Variants in USP10 observed in about 807,000 individuals in gnomAD.
The protein encoded by USP10 is ubiquitin specific peptidase 10.
In USP10, 22 loss-of-function variants were observed where a neutral mutation model predicts 84.5. That is an observed-to-expected ratio of 0.26 (90% CI 0.19 to 0.37). USP10 has a LOEUF of 0.37. Ranked by LOEUF, USP10 falls within the 10% of genes least tolerant of loss-of-function variation. USP10 has a pLI of 1.00. For missense variants in USP10, 1,019 were observed against 998.9 expected, an observed-to-expected ratio of 1.02 and a Z score of -0.27; for synonymous variants, 454 against 387.6, an observed-to-expected ratio of 1.17 and a Z score of -2.01.
intron 12 of USP10, 28 bp from the exon 13 acceptor site, chr16:84,775,132 T>C: frequency 6.2e-7 from 1 of 1,610,220 alleles, no homozygotes; most frequent in Non-Finnish European, 8.5e-7. Context: ...CTAAAAGTGC[T>C]TCAAGCCATT....
intron 11 of USP10, among the ~76,000 whole-genome samples, chr16:84,769,321 G>A (rs950208989): frequency 9.9e-5 from 15 of 152,128 alleles, no homozygotes; most frequent in Admixed American, 5.9e-4. Context: ...TAGCACCTTC[G>A]GGGTGTCCTG....
Position 84,763,082 on chromosome 16 carries a change from A to C in USP10, c.1648A>C (p.Asn550His), listed in dbSNP as rs1913396334. The C allele has an allele frequency of 6.2e-7, 1 of 1,608,856 alleles. No individual in the cohort carries two copies. Among genetic ancestry groups the C allele is most frequent in the African/African-American group, 1.3e-5 (1 of 74,854 alleles). The change falls in exon 9 of 14, where the codon AAT (asparagine) becomes CAT (histidine). Residue 550 changes from asparagine (N) to histidine (H), a missense_variant. By Grantham distance (68) the Asn-to-His change is moderately conservative. Coordinates refer to ENST00000219473, the MANE Select transcript of USP10 (RefSeq NM_005153.3). Reference sequence around the variant, plus strand: ...CCTAAAGAAGCTTCTCTCACCAAGTAATGAAAGTAGGTTATGGTCCACTTG... The same window carrying C: ...CCTAAAGAAGCTTCTCTCACCAAGTCATGAAAGTAGGTTATGGTCCACTTG... ...LNLKKLLSPS[N>H]EKLTISNGPK...
At chr16:84,748,330 G>A (rs1257287319) in intron 4 of USP10, among the ~76,000 whole-genome samples, 1 of 151,846 alleles carries the variant, frequency 6.6e-6, no homozygotes, top group Non-Finnish European at 1.5e-5. Flanking sequence ...TTGAGAGGGG[G>A]TCTCACTCTG....
At chr16:84,737,945 G>A in intron 2 of USP10, among the ~76,000 whole-genome samples, 1 of 152,360 alleles carries the variant, frequency 6.6e-6, no homozygotes. Context: ...CTTGTCCTCA[G>A]CGTCATCTGT....
At chr16:84,715,495 C>G (rs1906893091) in intron 1 of USP10, among the ~76,000 whole-genome samples, 1 of 152,218 alleles carries the variant, frequency 6.6e-6, no homozygotes, top group Admixed American at 6.5e-5. Flanking sequence ...CTCCGCCTCC[C>G]AAAGTGCTGG....
intron 2 of USP10, among the ~76,000 whole-genome samples, chr16:84,737,402 A>G (rs1026755351): frequency 2.0e-5 from 3 of 152,210 alleles, no homozygotes; most frequent in African/African-American, 7.2e-5. Flanking sequence ...ACTTCGAACC[A>G]TCCTGGCACT....
At chr16:84,775,386 ACT>A (rs1055544393) in intron 13 of USP10, among the ~76,000 whole-genome samples, 161 bp downstream of exon 13, 2 of 152,010 alleles carry the variant, frequency 1.3e-5, no homozygotes, top group Non-Finnish European at 2.9e-5. Context: ...TTTACCTGAA[ACT>A]CTGCGTAGAT....
chr16:84,707,708 C>T (rs1390337644), intron 1 of USP10, among the ~76,000 whole-genome samples: 1 of 152,164 alleles, frequency 6.6e-6, no homozygotes, highest in Admixed American at 6.5e-5. Context: ...TTATCAGGAT[C>T]CAGTGTGCAG....
intron 1 of USP10, 96 bp downstream of exon 1, chr16:84,700,207 C>A (rs1417608536): frequency 8.9e-6 from 9 of 1,012,098 alleles, no homozygotes; most frequent in Non-Finnish European, 1.1e-5. Flanking sequence ...CCGGAGCGAG[C>A]GTGTGGGAGT....
chr16:84,737,896 A>T (rs1406556402), intron 2 of USP10, among the ~76,000 whole-genome samples: 1 of 152,148 alleles, frequency 6.6e-6, no homozygotes, highest in African/African-American at 2.4e-5. Flanking sequence ...ACCCTCAGTC[A>T]GCGCCACCTG....
chr16:84,754,921 G>C (rs1304980521), intron 4 of USP10, among the ~76,000 whole-genome samples: 1 of 151,748 alleles, frequency 6.6e-6, no homozygotes, highest in Non-Finnish European at 1.5e-5. Flanking sequence ...CAGGCGGATT[G>C]CTTGAGGCCA....
At chr16:84,707,415 C>G (rs141272538) in intron 1 of USP10, among the ~76,000 whole-genome samples, 1 of 151,598 alleles carries the variant, frequency 6.6e-6, no homozygotes, top group Non-Finnish European at 1.5e-5. Flanking sequence ...TTTTAAGACA[C>G]GAAAACAGCA....
rs776931414 is a variant in USP10 at position 84,744,986 on chromosome 16, G to C, written c.505G>C (p.Asp169His). ...CAGCTATTTGAAAGATGGTGGCGAT[G>C]ATAGTATCTCCACAGAAGCCCTGGT... The part of the protein sequence containing the change: ...YYSYLKDGGD[D>H]SISTEALVNG... The change falls in exon 4 of 14, where the codon GAT becomes CAT. Residue 169 changes from aspartate (D) to histidine (H), a missense_variant. By Grantham distance (81) the Asp-to-His change is moderately conservative. Transcript: ENST00000219473. The C allele has an allele frequency of 3.7e-6, 6 of 1,613,842 alleles. No homozygotes were observed. The Admixed American group carries it at 1.0e-4, about 27-fold the overall frequency.
intron 9 of USP10, among the ~76,000 whole-genome samples, chr16:84,763,330 A>G (rs1165700033): frequency 6.6e-6 from 1 of 152,192 alleles, no homozygotes. Flanking sequence ...AAAAAAGCTG[A>G]AAGAATCGTT....
At chr16:84,703,043 A>G (rs1480791727) in intron 1 of USP10, among the ~76,000 whole-genome samples, 2 of 151,706 alleles carry the variant, frequency 1.3e-5, no homozygotes, top group African/African-American at 4.8e-5. Flanking sequence ...AATAAATAAA[A>G]AAGTTTATAG....
intron 1 of USP10, among the ~76,000 whole-genome samples, chr16:84,714,239 C>T (rs901286230): frequency 6.6e-6 from 1 of 152,046 alleles, no homozygotes. Context: ...GGAGCCAGCT[C>T]GTTGTGGTTT....
At chr16:84,737,921 G>A (rs1200517769) in intron 2 of USP10, among the ~76,000 whole-genome samples, 2 of 152,190 alleles carry the variant, frequency 1.3e-5, no homozygotes, top group Admixed American at 6.5e-5. Context: ...TACCGGCCCC[G>A]CCTCTCCACT....
chr16:84,769,981 C>T (rs1002825686), intron 11 of USP10, among the ~76,000 whole-genome samples: 36 of 152,134 alleles, frequency 2.4e-4, no homozygotes, highest in Admixed American at 1.3e-3. Flanking sequence ...TGGTGGCTCA[C>T]GCCCTTAGTC....
In USP10 at chr16:84,779,126, A is replaced by T. The variant is rs781411858; in HGVS notation, c.*44A>T. 6.4e-7 allele frequency: 1 copy of T among 1,565,396 alleles called. No homozygotes were observed. The highest frequency in any genetic ancestry group is 1.7e-5 in the Admixed American group (1 of 57,490). On this transcript the variant is annotated 3_prime_UTR_variant, in exon 14 of 14. Transcript: ENST00000219473. The stretch of plus-strand genomic sequence containing the variant: ...GTGCGCCCAGTGCCCGCTTCGTAGG[A>T]CACCACCTCACACTCACTTCCCGCC...
Sources: gnomAD v4.1 joint callset for allele counts (sites outside exome capture counted in the v4.1 genomes callset) on GRCh38, gnomAD v4.1.1 for gene constraint, MANE v1.5 for transcripts, NCBI Gene and HGNC (gene_info 2026-07-23, HGNC 2026-07-21) for gene names.